Variants in TEX101 observed in about 807,000 individuals in gnomAD.
TEX101 encodes testis-expressed protein 101.
TEX101 carries 10 observed loss-of-function variants against 18.1 expected under a neutral mutation model. That is an observed-to-expected ratio of 0.55 (90% CI 0.34 to 0.94). The LOEUF is 0.94. Ranked by LOEUF, TEX101 falls within the 40% of genes least tolerant of loss-of-function variation. TEX101 has a pLI of 0.02. For synonymous variants in TEX101, 94 were observed against 114.8 expected, an observed-to-expected ratio of 0.82 and a Z score of 1.16; for missense variants, 259 against 298.9, an observed-to-expected ratio of 0.87 and a Z score of 0.98.
chr19:43,392,779 C>T, the TEX101 span, among the ~76,000 whole-genome samples: 1 of 152,090 alleles, frequency 6.6e-6, no homozygotes, highest in African/African-American at 2.4e-5. Flanking sequence ...AAAGAAGAGG[C>T]TGGAGTGGTG....
At chr19:43,417,783 C>A in intron 4 of TEX101, 95 bp from the exon 5 acceptor site, 2 of 1,507,144 alleles carry the variant, frequency 1.3e-6, no homozygotes, top group Non-Finnish European at 1.8e-6. Flanking sequence ...ATTAGAGTGG[C>A]ATCTGCAGGA....
chr19:43,400,403 T>G (rs926073426), upstream of TEX101, among the ~76,000 whole-genome samples: 2 of 152,266 alleles, frequency 1.3e-5, no homozygotes, highest in African/African-American at 4.8e-5. Context: ...CCCATGCAAA[T>G]GAAAGATTCT....
At chr19:43,409,798 A>T (rs1248785395) in intron 3 of TEX101, among the ~76,000 whole-genome samples, 1 of 152,086 alleles carries the variant, frequency 6.6e-6, no homozygotes, top group Non-Finnish European at 1.5e-5. Context: ...GGAGAAACAA[A>T]TGTGAGTGTA....
chr19:43,416,432 A>G lies in TEX101; in HGVS notation c.268A>G (p.Thr90Ala), dbSNP rs902063028. 4.3e-6 allele frequency: 7 copies of G among 1,614,052 alleles called. No homozygotes were observed. Among genetic ancestry groups the G allele is most frequent in the Non-Finnish European group, 5.9e-6 (7 of 1,180,022 alleles). The change falls in exon 4 of 6, where the codon ACA becomes GCA. Residue 90 changes from threonine to alanine, a missense_variant. By Grantham distance (58) the Thr-to-Ala change is moderately conservative (BLOSUM62 0). Transcript: ENST00000598265. ...GCIPEGEEAI[T>A]IVQHSSPPGL... The stretch of plus-strand genomic sequence containing the variant: ...CATCCCGGAAGGGGAGGAGGCCATA[A>G]CAATTGTCCAGCACTCTTCACCTCC...
chr19:43,397,815 A>G (rs1970281203), upstream of TEX101, among the ~76,000 whole-genome samples: 1 of 113,250 alleles, frequency 8.8e-6, no homozygotes, highest in Non-Finnish European at 1.7e-5. Context: ...ATATAAATAT[A>G]AATATATAAA....
chr19:43,408,176 G>A (rs1970386779), intron 3 of TEX101, among the ~76,000 whole-genome samples: 1 of 152,188 alleles, frequency 6.6e-6, no homozygotes, highest in Non-Finnish European at 1.5e-5. Context: ...CGCCCGCCCC[G>A]CCCTCTGGGC....
exon 1 of TEX101, chr19:43,401,502 C>T (rs1361085909): frequency 6.6e-6 from 1 of 152,212 alleles, no homozygotes; most frequent in African/African-American, 2.4e-5. Context: ...ACAGAACCAT[C>T]CATCCCATCA....
At chr19:43,396,923 G>A (rs368496707), upstream of TEX101, among the ~76,000 whole-genome samples, 1 of 135,010 alleles carries the variant, frequency 7.4e-6, no homozygotes, top group East Asian at 2.3e-4. Flanking sequence ...TGCACGTTCC[G>A]CCTTCCGGGT....
chr19:43,408,212 G>C (rs951823331), intron 3 of TEX101, among the ~76,000 whole-genome samples: 3 of 152,210 alleles, frequency 2.0e-5, no homozygotes, highest in East Asian at 3.9e-4. Flanking sequence ...AGGAACATGC[G>C]CTTCCGGGGG....
At chr19:43,396,483 T>C in the TEX101 span, among the ~76,000 whole-genome samples, 1 of 152,246 alleles carries the variant, frequency 6.6e-6, no homozygotes, top group Non-Finnish European at 1.5e-5. Flanking sequence ...TAATAGGCGC[T>C]TAATCACAAG....
chr19:43,393,074 G>GAGAA, the TEX101 span, among the ~76,000 whole-genome samples: 1 of 129,400 alleles, frequency 7.7e-6, no homozygotes, highest in Non-Finnish European at 1.6e-5. Context: ...AAAGAAAGAA[G>GAGAA]GGAAGGAAGG....
upstream of TEX101, among the ~76,000 whole-genome samples, chr19:43,411,397 A>C (rs1377968359): frequency 6.6e-6 from 1 of 151,912 alleles, no homozygotes; most frequent in South Asian, 2.1e-4. Flanking sequence ...TTTAAACAGG[A>C]GTAATGTGGT....
chr19:43,401,646 G>A (rs1028996839), intron 1 of TEX101: 1 of 152,240 alleles, frequency 6.6e-6, no homozygotes, highest in Non-Finnish European at 1.5e-5. Flanking sequence ...CTGAGGTTGG[G>A]AGTTCGAGAC....
chr19:43,405,382 A>G (rs1970351380), intron 2 of TEX101, among the ~76,000 whole-genome samples: 3 of 151,844 alleles, frequency 2.0e-5, no homozygotes, highest in Admixed American at 2.0e-4. Flanking sequence ...CAGCCTGGCC[A>G]ACATAGTGAA....
upstream of TEX101, among the ~76,000 whole-genome samples, chr19:43,414,280 T>A (rs2122342756): frequency 6.6e-6 from 1 of 152,344 alleles, no homozygotes; most frequent in Non-Finnish European, 1.5e-5. Context: ...GACAGCAGCC[T>A]GTGCCATCAT....
upstream of TEX101, chr19:43,414,873 G>C: frequency 1.0e-6 from 1 of 985,452 alleles, no homozygotes; most frequent in Non-Finnish European, 1.2e-6. Flanking sequence ...GGCCAGGCTG[G>C]CCCGGCCTTG....
At chr19:43,412,468 A>C (rs562615027), upstream of TEX101, among the ~76,000 whole-genome samples, 2 of 152,298 alleles carry the variant, frequency 1.3e-5, no homozygotes, top group South Asian at 4.1e-4. Context: ...AAACTATGTC[A>C]CGGAGCAAGA....
At chr19:43,406,510 G>C in exon 3 of TEX101, 2 of 752,496 alleles carry the variant, frequency 2.7e-6, no homozygotes, top group African/African-American at 1.8e-5. Flanking sequence ...CCCGCATGGG[G>C]GCGAGGCAGG....
upstream of TEX101, among the ~76,000 whole-genome samples, chr19:43,413,511 A>G (rs902217923): frequency 2.9e-4 from 40 of 138,844 alleles, no homozygotes; most frequent in African/African-American, 9.9e-4. Context: ...AAAAAAAAAA[A>G]GGCCAAGAAT....
Sources: allele counts gnomAD v4.1 joint callset (sites outside exome capture counted in the v4.1 genomes callset), GRCh38; gene constraint gnomAD v4.1.1; transcripts MANE v1.5; gene names NCBI Gene and HGNC (gene_info 2026-07-23, HGNC 2026-07-21).